ZNF618: variants seen among roughly 807,000 people sequenced by gnomAD.
The protein encoded by ZNF618 is neural precursor cell expressed, developmentally down-regulated 10.
In ZNF618, 34 loss-of-function variants were observed where a neutral mutation model predicts 103.0. That is an observed-to-expected ratio of 0.33 (90% CI 0.25 to 0.44). The LOEUF (loss-of-function observed/expected upper bound fraction) is 0.44. Ranked by LOEUF, ZNF618 falls within the 20% of genes least tolerant of loss-of-function variation. The pLI, the probability that ZNF618 is intolerant of heterozygous loss-of-function variation, is 1.00. For synonymous variants in ZNF618, 551 were observed against 542.2 expected (o/e 1.02, Z -0.23); for missense variants, 1,059 against 1,295.4 (o/e 0.82, Z 2.80).
At chr9:114,048,575 G>A (rs1277383075) in intron 14 of ZNF618, 76 bp from the exon 15 acceptor site, 3 of 1,443,926 alleles carry the variant, frequency 2.1e-6, no homozygotes, top group Non-Finnish European at 1.9e-6. Flanking sequence ...TAGATGTTTA[G>A]AGTGTTAGGC....
intron 10 of ZNF618, among the ~76,000 whole-genome samples, chr9:114,019,818 T>C (rs1043171794): frequency 6.6e-6 from 1 of 152,226 alleles, no homozygotes; most frequent in African/African-American, 2.4e-5. Context: ...TCATACAGCA[T>C]CATTTGATGA....
intron 1 of ZNF618, among the ~76,000 whole-genome samples, chr9:113,901,297 T>C (rs527534065): frequency 1.3e-5 from 2 of 152,332 alleles, no homozygotes; most frequent in South Asian, 4.1e-4. Context: ...CCTCAGCGTC[T>C]CCAACATTTA....
chr9:114,015,210 T>A (rs1385350481), intron 9 of ZNF618, among the ~76,000 whole-genome samples: 3 of 152,080 alleles, frequency 2.0e-5, no homozygotes, highest in East Asian at 3.8e-4. Context: ...ATAAACAGAC[T>A]AATAAACCAA....
At chr9:114,002,999 C>T (rs1841391588) in intron 6 of ZNF618, among the ~76,000 whole-genome samples, 1 of 152,232 alleles carries the variant, frequency 6.6e-6, no homozygotes, top group Non-Finnish European at 1.5e-5. Flanking sequence ...CATTGACAGA[C>T]ACAGCTGTGC....
chr9:114,041,583 G>A (rs13298937), intron 13 of ZNF618, among the ~76,000 whole-genome samples: 1 of 151,978 alleles, frequency 6.6e-6, no homozygotes, highest in Non-Finnish European at 1.5e-5. Context: ...TATTAAATAG[G>A]GAATCCTTTC....
intron 2 of ZNF618, among the ~76,000 whole-genome samples, chr9:113,983,220 T>A (rs1839130225): frequency 6.6e-6 from 1 of 152,128 alleles, no homozygotes; most frequent in African/African-American, 2.4e-5. Flanking sequence ...AGCTCTATTT[T>A]AAAAAATGAT....
chr9:114,036,067 G>A lies in ZNF618; in HGVS notation c.1169-233G>A, dbSNP rs77163768. On this transcript the variant is annotated intron_variant, in intron 12 of 14. Transcript: ENST00000374126. ...CGCAGTAAGCACTCAATAAATAGCT[G>A]CTCAATTGAGCTAATGGTCTCTCTC... Among the ~76,000 whole-genome samples the A allele has an allele frequency of 1.4e-3, 219 of 152,274 alleles. 4 individuals are homozygous for A. The East Asian group carries it at 0.038, about 27-fold the overall frequency.
In ZNF618 at chr9:113,884,792, G is replaced by C. The variant is rs1041241110; in HGVS notation, c.33+8379G>C. Among the ~76,000 whole-genome samples, 111 of 151,926 alleles carry C rather than the reference G, an allele frequency of 7.3e-4. 1 individual carries two copies. The highest frequency in any genetic ancestry group is 2.3e-3 in the African/African-American group (97 of 41,406). ...AAACACACAGAGAGAGAGAGAGAGAGAGAGAGAGAGAGAGAGAGAGACAGA... is the reference window on the plus strand; with the variant it reads ...AAACACACAGAGAGAGAGAGAGAGACAGAGAGAGAGAGAGAGAGAGACAGA... On this transcript the variant is annotated intron_variant, in intron 1 of 14. Coordinates refer to ENST00000374126, the MANE Select transcript of ZNF618 (RefSeq NM_001318042.2).
chr9:113,929,632 G>A (rs1833399091), intron 1 of ZNF618, among the ~76,000 whole-genome samples: 1 of 152,150 alleles, frequency 6.6e-6, no homozygotes, highest in African/African-American at 2.4e-5. Flanking sequence ...GACAAATGTT[G>A]GGTGGACCAA....
chr9:113,904,430 C>A (rs1021861606), intron 1 of ZNF618, among the ~76,000 whole-genome samples: 4 of 152,214 alleles, frequency 2.6e-5, no homozygotes, highest in Admixed American at 2.6e-4. Flanking sequence ...CTGCTGCTTT[C>A]ATGCCTAGCA....
chr9:114,014,401 C>T (rs1842496711), intron 9 of ZNF618, among the ~76,000 whole-genome samples: 1 of 152,218 alleles, frequency 6.6e-6, no homozygotes, highest in Non-Finnish European at 1.5e-5. Flanking sequence ...TATAGCACTG[C>T]ATATGTCTCC....
intron 1 of ZNF618, among the ~76,000 whole-genome samples, chr9:113,922,183 A>G (rs186036676): frequency 1.3e-5 from 2 of 152,352 alleles, no homozygotes; most frequent in Admixed American, 6.5e-5. Context: ...AATAAACACA[A>G]TTTCTCCAGG....
At position 113,876,359 on chromosome 9, in the gene ZNF618, C is replaced by T. The variant is rs1827922359; in HGVS notation, c.-22C>T. The T allele has an allele frequency of 2.5e-6, 3 of 1,190,306 alleles. No homozygotes were observed. Among genetic ancestry groups the T allele is most frequent in the Admixed American group, 4.6e-5 (1 of 21,916 alleles). 73.7% of individuals were successfully genotyped at this position (1,190,306 alleles called of 1,614,324 possible). A position where few individuals can be genotyped will look rare whatever the true frequency, so the allele number is the denominator to read the frequency against. ...CCGGGAGGAGCAGGACGCGCCGGGG[C>T]CGCCTCCTCCCGCACGGACCCATGA... On this transcript the variant is annotated 5_prime_UTR_variant, in exon 1 of 15. Coordinates refer to ENST00000374126, the MANE Select transcript of ZNF618 (RefSeq NM_001318042.2).
intron 9 of ZNF618, among the ~76,000 whole-genome samples, chr9:114,012,046 A>G (rs1277790057): frequency 6.6e-6 from 1 of 151,642 alleles, no homozygotes. Flanking sequence ...AGAGAGAACT[A>G]TGTAAATTCC....
At chr9:113,952,585 G>T (rs1218591032) in intron 1 of ZNF618, among the ~76,000 whole-genome samples, 1 of 152,196 alleles carries the variant, frequency 6.6e-6, no homozygotes, top group Non-Finnish European at 1.5e-5. Flanking sequence ...ATGGGCCTTG[G>T]GGCCAGATAA....
At chr9:113,905,087 T>TC (rs397973087) in intron 1 of ZNF618, among the ~76,000 whole-genome samples, 1 of 152,070 alleles carries the variant, frequency 6.6e-6, no homozygotes, top group African/African-American at 2.4e-5. Context: ...ATTTTTTTTT[T>TC]CCAAGACTGC....
chr9:113,910,485 G>A (rs1345251059), intron 1 of ZNF618, among the ~76,000 whole-genome samples: 2 of 152,180 alleles, frequency 1.3e-5, no homozygotes, highest in African/African-American at 4.8e-5. Flanking sequence ...CTAATAACGA[G>A]CGTGTTCCTG....
intron 1 of ZNF618, among the ~76,000 whole-genome samples, chr9:113,933,816 G>A (rs1019650535): frequency 6.6e-6 from 1 of 152,230 alleles, no homozygotes; most frequent in African/African-American, 2.4e-5. Flanking sequence ...GATGGGCTTG[G>A]TCTTGGCTGG....
At chr9:113,892,175 C>T (rs1017927851) in intron 1 of ZNF618, among the ~76,000 whole-genome samples, 10 of 152,076 alleles carry the variant, frequency 6.6e-5, no homozygotes, top group Admixed American at 5.9e-4. Context: ...CCTTAGTATC[C>T]GTGGGGGATT....
Sources: allele counts gnomAD v4.1 joint callset (sites outside exome capture counted in the v4.1 genomes callset), GRCh38; gene constraint gnomAD v4.1.1; transcripts MANE v1.5; gene names NCBI Gene and HGNC (gene_info 2026-07-23, HGNC 2026-07-21).